The following SPAG16 variants were observed in gnomAD, a reference collection of about 807,000 sequenced individuals.
SPAG16 encodes sperm associated antigen 16, also known as sperm-associated antigen 16 protein.
Under a neutral mutation model 80.4 loss-of-function variants are expected in SPAG16, and 86 were observed. That is an observed-to-expected ratio of 1.07 (90% CI 0.90 to 1.28). The LOEUF (loss-of-function observed/expected upper bound fraction) is 1.28, where lower values mean the gene tolerates loss of function less well. Ranked by LOEUF, SPAG16 falls within the 50% of genes most tolerant of loss-of-function variation. SPAG16 has a pLI of 0.00. For missense variants in SPAG16, 870 were observed against 765.3 expected, an observed-to-expected ratio of 1.14 and a Z score of -1.61; for synonymous variants, 294 against 265.9, an observed-to-expected ratio of 1.11 and a Z score of -1.03.
intron 9 of SPAG16, among the ~76,000 whole-genome samples, chr2:213,466,825 A>T (rs1378719231): frequency 6.6e-6 from 1 of 152,222 alleles, no homozygotes. Flanking sequence ...ACAACACTTT[A>T]CCAAACAGGT....
intron 9 of SPAG16, among the ~76,000 whole-genome samples, chr2:213,414,975 C>G (rs2069171142): frequency 6.6e-6 from 1 of 152,200 alleles, no homozygotes; most frequent in East Asian, 1.9e-4. Flanking sequence ...ATGATAAAAC[C>G]ATCCCATGTC....
At chr2:214,370,018 G>C (rs920042560) in intron 15 of SPAG16, among the ~76,000 whole-genome samples, 1 of 151,988 alleles carries the variant, frequency 6.6e-6, no homozygotes, top group African/African-American at 2.4e-5. Context: ...TCTGGTCATT[G>C]GCAAATGCTG....
Position 213,930,014 on chromosome 2 carries a change from A to G in SPAG16, c.1269A>G (p.Leu423=). The G allele has an allele frequency of 1.2e-6, 2 of 1,614,146 alleles. No homozygotes were observed. The highest frequency in any genetic ancestry group is 1.7e-5 in the Admixed American group (1 of 60,026). ...SGDTTVKLWD[L]CKGDCILTFE... ...ACACTACAGTTAAATTATGGGATCT[A>G]TGTAAAGGCGATTGCATTTTGACCT... is the stretch of plus-strand genomic sequence containing the variant. Residue 423 remains leucine, a synonymous_variant, in exon 12 of 16, where the codon CTA becomes CTG. Coordinates refer to ENST00000331683, the MANE Select transcript of SPAG16 (RefSeq NM_024532.5).
intron 10 of SPAG16, among the ~76,000 whole-genome samples, chr2:213,579,322 C>T (rs2060226876): frequency 6.6e-6 from 1 of 152,134 alleles, no homozygotes; most frequent in South Asian, 2.1e-4. Context: ...GCTCTCTCTA[C>T]AGAAGGGCAG....
chr2:213,795,980 C>T (rs2071002789), intron 10 of SPAG16, among the ~76,000 whole-genome samples: 1 of 152,042 alleles, frequency 6.6e-6, no homozygotes, highest in South Asian at 2.1e-4. Flanking sequence ...TGGACTAATA[C>T]ACTTTGTATT....
At chr2:214,357,316 C>T (rs983108969) in intron 15 of SPAG16, among the ~76,000 whole-genome samples, 1 of 151,796 alleles carries the variant, frequency 6.6e-6, no homozygotes, top group African/African-American at 2.4e-5. Context: ...CCTATGATCT[C>T]CTACTGAAAT....
rs909498780 is a variant in SPAG16 at position 213,786,211 on chromosome 2, T to G, written c.1071-76274T>G. ...ATTTTAATTTTTCTCAAGGAAACTTTCATCGTCCCATTTAACATTTGCGCT... is the reference window on the plus strand; with the variant it reads ...ATTTTAATTTTTCTCAAGGAAACTTGCATCGTCCCATTTAACATTTGCGCT... On this transcript the variant is annotated intron_variant, in intron 10 of 15. Transcript: ENST00000331683. Among the ~76,000 whole-genome samples, 13 of 152,182 alleles carry G rather than the reference T, an allele frequency of 8.5e-5. 1 individual carries two copies. Among genetic ancestry groups the G allele is most frequent in the African/African-American group, 2.7e-4 (11 of 41,442 alleles).
chr2:213,396,575 A>G (rs2068043207), intron 9 of SPAG16: 1 of 453,214 alleles, frequency 2.2e-6, no homozygotes, highest in Non-Finnish European at 4.4e-6. Flanking sequence ...GTCTAACTCC[A>G]TGCCTCCATC....
chr2:213,613,910 C>T (rs1157492029), intron 10 of SPAG16, among the ~76,000 whole-genome samples: 1 of 152,190 alleles, frequency 6.6e-6, no homozygotes, highest in African/African-American at 2.4e-5. Context: ...AAGTACTTAT[C>T]TCAAAGGTTT....
intron 10 of SPAG16, among the ~76,000 whole-genome samples, chr2:213,669,996 TAATTC>T (rs2063756069): frequency 1.3e-5 from 2 of 150,798 alleles, no homozygotes; most frequent in African/African-American, 5.0e-5. Flanking sequence ...AAGCATGTTC[TAATTC>T]TTTTTTTTTT....
intron 10 of SPAG16, among the ~76,000 whole-genome samples, chr2:213,589,751 G>A (rs1330522311): frequency 6.6e-6 from 1 of 151,900 alleles, no homozygotes; most frequent in Non-Finnish European, 1.5e-5. Context: ...GTGAAATCCC[G>A]TCTGTACTAA....
intron 10 of SPAG16, among the ~76,000 whole-genome samples, chr2:213,531,944 G>C (rs2076084483): frequency 6.6e-6 from 1 of 152,080 alleles, no homozygotes; most frequent in Non-Finnish European, 1.5e-5. Context: ...TATGTACAGA[G>C]TTACGTTTTT....
At chr2:213,289,933 T>C (rs1157062621) in intron 1 of SPAG16, among the ~76,000 whole-genome samples, 1 of 152,242 alleles carries the variant, frequency 6.6e-6, no homozygotes, top group Non-Finnish European at 1.5e-5. Flanking sequence ...CTGAAAATTA[T>C]TCATTGGTTT....
chr2:214,017,815 C>G (rs955565861), intron 13 of SPAG16, among the ~76,000 whole-genome samples: 2 of 152,108 alleles, frequency 1.3e-5, no homozygotes, highest in Non-Finnish European at 2.9e-5. Context: ...TTTAAGTTGA[C>G]TTAATGGCAA....
intron 11 of SPAG16, among the ~76,000 whole-genome samples, chr2:213,882,511 A>G (rs775128630): frequency 1.3e-5 from 2 of 152,072 alleles, no homozygotes; most frequent in African/African-American, 4.8e-5. Flanking sequence ...CAGGATTTTA[A>G]TCTGTTCCTG....
intron 14 of SPAG16, among the ~76,000 whole-genome samples, chr2:214,138,692 C>T (rs2055190622): frequency 6.6e-6 from 1 of 152,070 alleles, no homozygotes; most frequent in East Asian, 1.9e-4. Flanking sequence ...TGTACTAGAC[C>T]TGAGCATCAG....
chr2:213,641,772 C>T (rs1231919100), intron 10 of SPAG16, among the ~76,000 whole-genome samples: 1 of 152,160 alleles, frequency 6.6e-6, no homozygotes, highest in African/African-American at 2.4e-5. Context: ...AAGATACTAC[C>T]TGAGACTGGG....
intron 15 of SPAG16, among the ~76,000 whole-genome samples, chr2:214,350,815 G>A (rs565911685): frequency 6.6e-5 from 10 of 152,214 alleles, no homozygotes; most frequent in Admixed American, 5.9e-4. Context: ...GCAATACCAG[G>A]TGAATGGATG....
At chr2:213,854,091 T>G (rs1372531874) in intron 10 of SPAG16, among the ~76,000 whole-genome samples, 2 of 152,184 alleles carry the variant, frequency 1.3e-5, no homozygotes, top group Non-Finnish European at 2.9e-5. Context: ...TTCCTTATAT[T>G]AACTTGTGAA....
Sources: gnomAD v4.1 joint callset for allele counts (sites outside exome capture counted in the v4.1 genomes callset) on GRCh38, gnomAD v4.1.1 for gene constraint, MANE v1.5 for transcripts, NCBI Gene and HGNC (gene_info 2026-07-23, HGNC 2026-07-21) for gene names.